Variants in CSMD1 observed in about 807,000 individuals in gnomAD.
The protein encoded by CSMD1 is CUB and Sushi multiple domains 1.
CSMD1 carries 213 observed loss-of-function variants against 417.5 expected under a neutral mutation model. The ratio of observed to expected loss-of-function variants is 0.51; its 90% CI spans 0.46 to 0.57. The LOEUF is 0.57. Among genes scored for constraint, CSMD1 ranks in the 20% least tolerant of loss-of-function variants. CSMD1 has a pLI of 0.00. For missense variants in CSMD1, 6,923 were observed against 4,529.7 expected (o/e 1.53, Z -15.17); for synonymous variants, 2,862 against 1,736.8 (o/e 1.65, Z -16.11).
intron 41 of CSMD1, among the ~76,000 whole-genome samples, chr8:3,129,087 A>C (rs903245951): frequency 6.6e-6 from 1 of 152,230 alleles, no homozygotes; most frequent in Non-Finnish European, 1.5e-5. Flanking sequence ...AGTCAACATC[A>C]ATGAGCAAGA....
chr8:3,630,803 T>G (rs1351167705), intron 7 of CSMD1, among the ~76,000 whole-genome samples: 2 of 152,140 alleles, frequency 1.3e-5, no homozygotes, highest in African/African-American at 2.4e-5. Context: ...ACATCACGAT[T>G]TGGAAGGTCA....
chr8:4,922,163 A>T (rs1190064899), intron 1 of CSMD1, among the ~76,000 whole-genome samples: 1 of 152,012 alleles, frequency 6.6e-6, no homozygotes, highest in Non-Finnish European at 1.5e-5. Flanking sequence ...TAAATTCTAG[A>T]AGGGGTGAAG....
intron 1 of CSMD1, among the ~76,000 whole-genome samples, chr8:4,830,441 G>A (rs74339264): frequency 0.031 from 4,754 of 152,208 alleles, 101 homozygotes; most frequent in Non-Finnish European, 0.047. Flanking sequence ...AACACTTACC[G>A]TTTCAGATAA....
At chr8:3,799,460 C>A (rs1298244632) in intron 5 of CSMD1, among the ~76,000 whole-genome samples, 1 of 140,536 alleles carries the variant, frequency 7.1e-6, no homozygotes, top group East Asian at 2.1e-4. Context: ...AGTGTTCTCA[C>A]TGTTCAGTTC....
At chr8:3,305,734 C>T (rs1045725034) in intron 25 of CSMD1, among the ~76,000 whole-genome samples, 9 of 152,312 alleles carry the variant, frequency 5.9e-5, no homozygotes, top group Admixed American at 3.9e-4. Flanking sequence ...GGTTGGAGTA[C>T]AGTGGCACGA....
chr8:4,469,383 C>T lies in CSMD1; in HGVS notation c.303-49318G>A, dbSNP rs74684952. The stretch of plus-strand genomic sequence containing the variant: ...ACGTGAACCAAATCAAGGTGCAAAA[C>T]GGCTGGTGTCAGCATTCTGCCGTAT... On this transcript the variant is annotated intron_variant, in intron 2 of 69. Transcript: ENST00000635120. Among the ~76,000 whole-genome samples the T allele has an allele frequency of 3.9e-4, 59 of 152,262 alleles. 1 individual carries two copies. In the East Asian group the frequency reaches 0.011, roughly 28 times the overall value.
chr8:4,165,854 G>C (rs147390611), intron 3 of CSMD1, among the ~76,000 whole-genome samples: 1 of 152,248 alleles, frequency 6.6e-6, no homozygotes, highest in Non-Finnish European at 1.5e-5. Flanking sequence ...TTTTGCCATT[G>C]AAAGTAAAAG....
chr8:4,717,491 T>A (rs911914014), intron 1 of CSMD1, among the ~76,000 whole-genome samples: 1 of 151,750 alleles, frequency 6.6e-6, no homozygotes, highest in African/African-American at 2.4e-5. Context: ...CCTTTCTATA[T>A]ATGTATCTAC....
At chr8:4,708,621 T>C (rs1808096622) in intron 1 of CSMD1, among the ~76,000 whole-genome samples, 1 of 152,096 alleles carries the variant, frequency 6.6e-6, no homozygotes, top group Admixed American at 6.5e-5. Context: ...CATTGAATGG[T>C]TAAATTTCTA....
chr8:4,856,536 A>T (rs527424047), intron 1 of CSMD1, among the ~76,000 whole-genome samples: 11 of 139,824 alleles, frequency 7.9e-5, no homozygotes, highest in Non-Finnish European at 1.4e-4. Context: ...ACGTGCAGAG[A>T]CACACATAGG....
intron 1 of CSMD1, among the ~76,000 whole-genome samples, chr8:4,682,577 A>G (rs1320995359): frequency 1.3e-5 from 2 of 152,146 alleles, no homozygotes; most frequent in Admixed American, 6.5e-5. Flanking sequence ...AAGATAATAC[A>G]TAAATGTATG....
chr8:4,117,967 A>G (rs1802256139), intron 3 of CSMD1, among the ~76,000 whole-genome samples: 1 of 147,278 alleles, frequency 6.8e-6, no homozygotes. Flanking sequence ...AAAAAAAAGC[A>G]GTGTACAAAG....
chr8:3,141,960 G>T (rs1289667582), intron 41 of CSMD1, among the ~76,000 whole-genome samples: 5 of 152,018 alleles, frequency 3.3e-5, no homozygotes. Context: ...ACTATGCCCA[G>T]CTAATTTTTG....
At position 3,418,476 on chromosome 8, in the gene CSMD1, T is replaced by C. The variant is rs73657884; in HGVS notation, c.1562-8871A>G. On this transcript the variant is annotated intron_variant, in intron 12 of 69. Transcript: ENST00000635120. ...AAAGCAACAATTTTATTCAAGATATTGGTCAGCTATAATCATGGAGTCATA... is the reference window on the plus strand; with the variant it reads ...AAAGCAACAATTTTATTCAAGATATCGGTCAGCTATAATCATGGAGTCATA... 6.3e-3 allele frequency among the ~76,000 whole-genome samples: 959 copies of C among 152,260 alleles called. 9 individuals carry two copies. The highest frequency in any genetic ancestry group is 0.02 in the African/African-American group (830 of 41,556).
At chr8:2,938,778 T>C in intron 69 of CSMD1, 34 bp from the exon 70 acceptor site, 1 of 1,559,712 alleles carries the variant, frequency 6.4e-7, no homozygotes. Flanking sequence ...ATTAGAATCC[T>C]GGTTTCATTT....
chr8:3,778,329 T>C (rs528235457), intron 5 of CSMD1, among the ~76,000 whole-genome samples: 3 of 152,178 alleles, frequency 2.0e-5, no homozygotes, highest in Non-Finnish European at 4.4e-5. Context: ...TTTCCCCAAT[T>C]AGGGAAACCT....
In CSMD1 at chr8:4,124,047, A is replaced by G. The variant is rs1647325; in HGVS notation, c.416-91948T>C. On this transcript the variant is annotated intron_variant, in intron 3 of 69. Coordinates refer to ENST00000635120, the MANE Select transcript of CSMD1 (RefSeq NM_033225.6). ...TTTTTTTTCTACATTGCATTCCGGA[A>G]CGACATTCCCAACACACAGACTTCT... 9.7e-3 allele frequency among the ~76,000 whole-genome samples: 1,477 copies of G among 152,298 alleles called. 10 individuals carry two copies. Among genetic ancestry groups the G allele is most frequent in the Non-Finnish European group, 0.012 (835 of 68,026 alleles).
chr8:3,466,769 G>A (rs562438458), intron 12 of CSMD1, among the ~76,000 whole-genome samples: 1 of 152,040 alleles, frequency 6.6e-6, no homozygotes, highest in Non-Finnish European at 1.5e-5. Flanking sequence ...TTTGCTTTGA[G>A]TCAAATAATA....
chr8:4,679,182 C>G (rs776343376), intron 1 of CSMD1, among the ~76,000 whole-genome samples: 10 of 152,180 alleles, frequency 6.6e-5, no homozygotes, highest in Admixed American at 1.3e-4. Context: ...TCTATTGAAT[C>G]TGGCTCTGGG....
Sources: allele counts gnomAD v4.1 joint callset (sites outside exome capture counted in the v4.1 genomes callset), GRCh38; gene constraint gnomAD v4.1.1; transcripts MANE v1.5; gene names NCBI Gene and HGNC (gene_info 2026-07-23, HGNC 2026-07-21).